Variants in ARID1B observed in about 807,000 individuals in gnomAD.
The protein encoded by ARID1B is AT-rich interaction domain 1B.
Under a neutral mutation model 212.3 loss-of-function variants are expected in ARID1B, and 30 were observed. The observed-to-expected ratio is 0.14, with a 90% CI of 0.11 to 0.19. The LOEUF (loss-of-function observed/expected upper bound fraction) is 0.19. ARID1B is among the 10% of genes least tolerant of loss of function. The pLI is 1.00. For synonymous variants in ARID1B, 1,402 were observed against 1,301.7 expected (o/e 1.08, Z -1.66); for missense variants, 2,891 against 3,204.0 (o/e 0.90, Z 2.36).
intron 4 of ARID1B, among the ~76,000 whole-genome samples, chr6:157,021,656 G>C (rs184675424): frequency 1.3e-4 from 20 of 152,238 alleles, no homozygotes; most frequent in African/African-American, 4.6e-4. Context: ...GGACCCCGCG[G>C]AAGGAGGCGC....
intron 1 of ARID1B, among the ~76,000 whole-genome samples, chr6:156,801,073 G>A (rs1321376989): frequency 6.6e-6 from 1 of 152,020 alleles, no homozygotes; most frequent in African/African-American, 2.4e-5. Context: ...AGACTCTTGA[G>A]TTGCATCTTG....
At chr6:157,039,692 TCCTTCTTTCTTTC>T (rs1781657850) in intron 4 of ARID1B, among the ~76,000 whole-genome samples, 1 of 81,906 alleles carries the variant, frequency 1.2e-5, no homozygotes, top group Non-Finnish European at 3.0e-5. Flanking sequence ...CTTCCTTCCT[TCCTTCTTTCTTTC>T]CTTTCTTTCC....
intron 4 of ARID1B, among the ~76,000 whole-genome samples, chr6:156,983,081 T>A (rs1295856373): frequency 3.9e-5 from 5 of 129,452 alleles, no homozygotes; most frequent in Admixed American, 8.0e-5. Context: ...GGCAACAGAG[T>A]GAGACCCTGT....
intron 4 of ARID1B, among the ~76,000 whole-genome samples, chr6:156,998,421 C>A (rs1778721901): frequency 6.6e-6 from 1 of 152,154 alleles, no homozygotes. Context: ...GACAGGGTTT[C>A]ACCGTGTTAG....
At chr6:157,104,130 C>T (rs909625826) in intron 5 of ARID1B, among the ~76,000 whole-genome samples, 6 of 152,280 alleles carry the variant, frequency 3.9e-5, no homozygotes, top group Non-Finnish European at 5.9e-5. Context: ...CCACCACGCC[C>T]GGCCTAACAA....
chr6:157,172,930 C>A (rs1331947233), intron 9 of ARID1B: 1 of 151,820 alleles, frequency 6.6e-6, no homozygotes, highest in African/African-American at 2.4e-5. Flanking sequence ...TTGAAATAGG[C>A]CTGGTTTCTG....
At chr6:157,055,513 A>G (rs1258087580) in intron 4 of ARID1B, among the ~76,000 whole-genome samples, 2 of 152,218 alleles carry the variant, frequency 1.3e-5, no homozygotes, top group East Asian at 1.9e-4. Flanking sequence ...AAATTTGATT[A>G]TAATATTCTT....
At chr6:156,844,199 G>C (rs1008038891) in intron 2 of ARID1B, among the ~76,000 whole-genome samples, 1 of 152,208 alleles carries the variant, frequency 6.6e-6, no homozygotes, top group Non-Finnish European at 1.5e-5. Context: ...CGATGGATCA[G>C]TTCAGAAAGC....
In ARID1B at chr6:157,162,792, C is replaced by T. The variant is rs557776153; in HGVS notation, c.3090-4248C>T. On this transcript the variant is annotated intron_variant, in intron 8 of 19. Transcript: ENST00000636930. ...TCGGCATCCTGGGGTCTGGGGTCAA[C>T]ACCACCCAACCAGGGTCACCCCCAC... 2.6e-5 allele frequency among the ~76,000 whole-genome samples: 4 copies of T among 152,296 alleles called. No homozygotes were observed. The South Asian group carries it at 6.2e-4, about 24-fold the overall frequency.
In ARID1B at chr6:156,784,371, T is replaced by C. The variant is rs966420450; in HGVS notation, c.1791+4900T>C. 3.3e-5 allele frequency among the ~76,000 whole-genome samples: 5 copies of C among 152,254 alleles called. No individual in the cohort carries two copies. The East Asian group carries it at 9.6e-4, about 29-fold the overall frequency. ...CTGTATCATAGATGTAGAACTATTA[T>C]AAATATCTTTTCTCTAGCTTGGAGG... On this transcript the variant is annotated intron_variant, in intron 1 of 19. Coordinates refer to ENST00000636930, the MANE Select transcript of ARID1B (RefSeq NM_001374828.1).
At chr6:156,813,107 T>C (rs1275581457) in intron 1 of ARID1B, among the ~76,000 whole-genome samples, 1 of 89,724 alleles carries the variant, frequency 1.1e-5, no homozygotes, top group Non-Finnish European at 2.2e-5. Flanking sequence ...CATATATATA[T>C]ATTTTTTTTT....
At chr6:156,882,168 T>C (rs1396352530) in intron 2 of ARID1B, among the ~76,000 whole-genome samples, 1 of 152,148 alleles carries the variant, frequency 6.6e-6, no homozygotes, top group Non-Finnish European at 1.5e-5. Context: ...TTACTCTCGT[T>C]TCTCTTCTCT....
intron 2 of ARID1B, chr6:156,871,721 T>C (rs1392477396): frequency 6.5e-7 from 1 of 1,548,564 alleles, no homozygotes; most frequent in African/African-American, 1.4e-5. Flanking sequence ...TGGGGGCAGC[T>C]GGCACATCTG....
chr6:156,897,218 G>GCTGCTGCTGCTT (rs1554264583), intron 2 of ARID1B, among the ~76,000 whole-genome samples: 12 of 91,376 alleles, frequency 1.3e-4, no homozygotes, highest in East Asian at 3.6e-4. Flanking sequence ...TGCTGCTGCT[G>GCTGCTGCTGCTT]CTTCTTCTTC....
chr6:156,905,331 C>T (rs565448029), intron 3 of ARID1B, among the ~76,000 whole-genome samples: 17 of 150,992 alleles, frequency 1.1e-4, no homozygotes, highest in Non-Finnish European at 2.1e-4. Flanking sequence ...TTTGCATTTC[C>T]GAAACCTGCA....
intron 4 of ARID1B, among the ~76,000 whole-genome samples, chr6:156,979,849 C>G (rs1299913110): frequency 3.3e-5 from 5 of 152,008 alleles, no homozygotes; most frequent in African/African-American, 4.8e-5. Flanking sequence ...GGCCACTGCA[C>G]CTGGCCTGTT....
At chr6:156,828,564 A>G (rs1452368706) in intron 1 of ARID1B, among the ~76,000 whole-genome samples, 23 of 152,284 alleles carry the variant, frequency 1.5e-4, no homozygotes, top group Non-Finnish European at 4.4e-5. Flanking sequence ...CTGACTCACC[A>G]AACCAAAAAT....
chr6:156,790,947 A>G (rs916647268), intron 1 of ARID1B, among the ~76,000 whole-genome samples: 14 of 152,262 alleles, frequency 9.2e-5, no homozygotes, highest in African/African-American at 3.1e-4. Flanking sequence ...TTTATTATGC[A>G]TTAAGTTTCT....
At chr6:156,839,786 A>G (rs1049115051) in intron 2 of ARID1B, among the ~76,000 whole-genome samples, 2 of 152,222 alleles carry the variant, frequency 1.3e-5, no homozygotes, top group African/African-American at 2.4e-5. Flanking sequence ...AGAGTGAGAC[A>G]TGAGGCTCCA....
Sources: gnomAD v4.1 joint callset for allele counts (sites outside exome capture counted in the v4.1 genomes callset) on GRCh38, gnomAD v4.1.1 for gene constraint, MANE v1.5 for transcripts, NCBI Gene and HGNC (gene_info 2026-07-23, HGNC 2026-07-21) for gene names.